Variants in ADGRG7 observed in about 807,000 individuals in gnomAD.
ADGRG7 encodes the protein adhesion G protein-coupled receptor G7, also known as G-protein coupled receptor 128.
ADGRG7 carries 82 observed loss-of-function variants against 88.6 expected under a neutral mutation model. That is an observed-to-expected ratio of 0.93 (90% CI 0.77 to 1.11). The LOEUF (loss-of-function observed/expected upper bound fraction) is 1.11, where lower values mean the gene tolerates loss of function less well. ADGRG7 is among the 50% of genes most tolerant of loss of function. The pLI is 0.00. For missense variants in ADGRG7, 945 were observed against 953.4 expected (o/e 0.99, Z 0.12); for synonymous variants, 381 against 345.2 (o/e 1.10, Z -1.15).
At chr3:100,671,881 T>C (rs1334431819) in intron 15 of ADGRG7, among the ~76,000 whole-genome samples, 2 of 152,226 alleles carry the variant, frequency 1.3e-5, no homozygotes, top group Non-Finnish European at 2.9e-5. Flanking sequence ...TGTGGTGTTA[T>C]TTCTGAGGCC....
Position 100,634,073 on chromosome 3 carries a change from G to A in ADGRG7, c.447+696G>A, listed in dbSNP as rs547721027. ...AAACAGGAAACTCCAAACCTGATGC[G>A]GGTCTCAGGGCAGTATCTATGAGCA... On this transcript the variant is annotated intron_variant, in intron 4 of 15. Coordinates refer to ENST00000273352, the MANE Select transcript of ADGRG7 (RefSeq NM_032787.3). Among the ~76,000 whole-genome samples the A allele has an allele frequency of 2.6e-5, 4 of 152,266 alleles. No homozygotes were observed. In the South Asian group the frequency reaches 6.2e-4, roughly 24 times the overall value.
chr3:100,636,670 C>T (rs1283175675), intron 5 of ADGRG7, among the ~76,000 whole-genome samples: 2 of 151,796 alleles, frequency 1.3e-5, no homozygotes, highest in Non-Finnish European at 2.9e-5. Flanking sequence ...AATATTTTTC[C>T]TGCTAAAAAG....
At chr3:100,679,534 G>A (rs571371045) in intron 15 of ADGRG7, among the ~76,000 whole-genome samples, 4 of 152,286 alleles carry the variant, frequency 2.6e-5, no homozygotes, top group Admixed American at 2.0e-4. Flanking sequence ...AATGATTGCT[G>A]GAGGGTTCTA....
chr3:100,686,423 TG>T (rs1469633790), intron 15 of ADGRG7, among the ~76,000 whole-genome samples: 4 of 152,264 alleles, frequency 2.6e-5, no homozygotes, highest in African/African-American at 9.6e-5. Context: ...CCATTGCTTT[TG>T]GTGTTTTAGA....
At chr3:100,651,180 TGAACA>T (rs2094928984) in intron 11 of ADGRG7, among the ~76,000 whole-genome samples, 1 of 152,216 alleles carries the variant, frequency 6.6e-6, no homozygotes, top group African/African-American at 2.4e-5. Context: ...TACAAAACTA[TGAACA>T]GACAGATAAT....
intron 11 of ADGRG7, among the ~76,000 whole-genome samples, chr3:100,652,153 T>C (rs532533973): frequency 2.1e-3 from 325 of 152,236 alleles, no homozygotes; most frequent in Non-Finnish European, 3.7e-3. Context: ...TTCTTCTGAG[T>C]ACTTTTTGCA....
chr3:100,689,778 C>A (rs2094989894), intron 15 of ADGRG7, among the ~76,000 whole-genome samples: 1 of 152,170 alleles, frequency 6.6e-6, no homozygotes, highest in Non-Finnish European at 1.5e-5. Context: ...TTATGGGTAA[C>A]CCAACCTTTG....
At chr3:100,616,111 C>G (rs937098468) in intron 1 of ADGRG7, among the ~76,000 whole-genome samples, 1 of 152,056 alleles carries the variant, frequency 6.6e-6, no homozygotes, top group Non-Finnish European at 1.5e-5. Flanking sequence ...AATACTAGTT[C>G]AAGACTACTA....
chr3:100,652,725 T>G (rs536916711), intron 11 of ADGRG7, among the ~76,000 whole-genome samples: 1 of 152,102 alleles, frequency 6.6e-6, no homozygotes, highest in Non-Finnish European at 1.5e-5. Flanking sequence ...AATATATACA[T>G]GAACTACACA....
intron 15 of ADGRG7, among the ~76,000 whole-genome samples, chr3:100,692,883 T>C (rs1455686609): frequency 6.6e-6 from 1 of 152,164 alleles, no homozygotes; most frequent in Non-Finnish European, 1.5e-5. Flanking sequence ...GACTCTTCAT[T>C]TTAAACAAGG....
intron 15 of ADGRG7, among the ~76,000 whole-genome samples, chr3:100,685,724 A>G (rs1576340029): frequency 6.6e-6 from 1 of 152,164 alleles, no homozygotes; most frequent in African/African-American, 2.4e-5. Flanking sequence ...TTACGGCTGC[A>G]TAGTATTCCA....
chr3:100,642,816 A>G (rs188362986), intron 6 of ADGRG7, among the ~76,000 whole-genome samples: 29 of 152,330 alleles, frequency 1.9e-4, no homozygotes, highest in Admixed American at 4.6e-4. Context: ...TCACCTCAGG[A>G]ACGAACAACT....
intron 8 of ADGRG7, among the ~76,000 whole-genome samples, chr3:100,644,918 T>C (rs1489317414): frequency 6.6e-6 from 1 of 152,102 alleles, no homozygotes; most frequent in Non-Finnish European, 1.5e-5. Context: ...GGAGAAACAA[T>C]TTGGTGATGT....
At position 100,660,028 on chromosome 3, in the gene ADGRG7, C is replaced by T. The variant is rs577237340; in HGVS notation, c.1979+185C>T. On this transcript the variant is annotated intron_variant, in intron 14 of 15. Coordinates refer to ENST00000273352, the MANE Select transcript of ADGRG7 (RefSeq NM_032787.3). ...GTGGATCTTCTCGTCTTCTCACATC[C>T]GTACAGTCTGCTCTCAATATCCTGG... Among the ~76,000 whole-genome samples, 87 of 152,258 alleles carry T rather than the reference C, an allele frequency of 5.7e-4. 1 individual carries two copies. Among genetic ancestry groups the T allele is most frequent in the African/African-American group, 1.9e-3 (77 of 41,540 alleles).
chr3:100,648,317 T>G (rs5006787), intron 10 of ADGRG7, among the ~76,000 whole-genome samples: 136,319 of 152,052 alleles, frequency 0.9, 63,010 homozygotes, highest in East Asian at 1. Flanking sequence ...AATTGCATGA[T>G]TAAGAGCAAA....
Position 100,655,187 on chromosome 3 carries a change from T to A in ADGRG7, c.1726+6T>A. ...CATCTCATTAATTGGATGGGGTAAGTGTTTGCATCTCCCCTTTCTCAGGAA... is the reference window on the plus strand; with the variant it reads ...CATCTCATTAATTGGATGGGGTAAGAGTTTGCATCTCCCCTTTCTCAGGAA... On this transcript the variant is annotated splice_donor_region_variant and intron_variant, in intron 12 of 15. Coordinates refer to ENST00000273352, the MANE Select transcript of ADGRG7 (RefSeq NM_032787.3). 6.4e-7 allele frequency: 1 copy of A among 1,553,688 alleles called. No individual in the cohort carries two copies. The highest frequency in any genetic ancestry group is 8.8e-7 in the Non-Finnish European group (1 of 1,137,172).
intron 2 of ADGRG7, among the ~76,000 whole-genome samples, 198 bp from the exon 3 acceptor site, chr3:100,630,507 G>T (rs907942694): frequency 5.3e-5 from 8 of 152,062 alleles, no homozygotes; most frequent in African/African-American, 1.7e-4. Context: ...GGAACCTGTT[G>T]TCTAACATAC....
intron 11 of ADGRG7, chr3:100,654,523 C>G (rs1251121142): frequency 4.1e-6 from 1 of 241,902 alleles, no homozygotes; most frequent in African/African-American, 2.3e-5. Flanking sequence ...CTACGCAGGG[C>G]TACCTACCAG....
intron 8 of ADGRG7, among the ~76,000 whole-genome samples, chr3:100,645,721 A>C (rs1236483611): frequency 1.3e-5 from 2 of 152,048 alleles, no homozygotes; most frequent in Non-Finnish European, 2.9e-5. Flanking sequence ...AGGTAAGGAA[A>C]CTGAAGCTCA....
Sources: gnomAD v4.1 joint callset for allele counts (sites outside exome capture counted in the v4.1 genomes callset) on GRCh38, gnomAD v4.1.1 for gene constraint, MANE v1.5 for transcripts, NCBI Gene and HGNC (gene_info 2026-07-23, HGNC 2026-07-21) for gene names.